Variants in PMM2 observed in about 807,000 individuals in gnomAD.
PMM2 encodes the protein phosphomannomutase 2, also known as mannose-6-phosphate isomerase.
In PMM2, 35 loss-of-function variants were observed where a neutral mutation model predicts 33.2. The observed-to-expected ratio is 1.06, with a 90% confidence interval of 0.81 to 1.40. The LOEUF (loss-of-function observed/expected upper bound fraction) is 1.40, where lower values mean the gene tolerates loss of function less well. PMM2 is among the 40% of genes most tolerant of loss of function. PMM2 has a pLI of 0.00. For synonymous variants in PMM2, 153 were observed against 114.7 expected, an observed-to-expected ratio of 1.33 and a Z score of -2.13; for missense variants, 386 against 306.0, an observed-to-expected ratio of 1.26 and a Z score of -1.95.
At chr16:8,841,024 C>T (rs1356079385) in intron 7 of PMM2, among the ~76,000 whole-genome samples, 2 of 151,958 alleles carry the variant, frequency 1.3e-5, no homozygotes, top group African/African-American at 2.4e-5. Context: ...TGGACTGTAC[C>T]TACCCTGTAG....
At chr16:8,832,962 T>C (rs1014754551) in intron 7 of PMM2, 111 of 453,138 alleles carry the variant, frequency 2.4e-4, no homozygotes, top group Non-Finnish European at 2.8e-4. Flanking sequence ...TGATGACTGG[T>C]CTCCCCAGGG....
chr16:8,797,991 C>G (rs1395135851), intron 1 of PMM2, 43 bp downstream of exon 1: 5 of 1,557,086 alleles, frequency 3.2e-6, no homozygotes, highest in Non-Finnish European at 4.3e-6. Flanking sequence ...ACGCGGAGCC[C>G]GTGCTGTTCC....
At position 8,797,941 on chromosome 16, in the gene PMM2, C is replaced by T; in HGVS notation, c.59C>T (p.Pro20Leu). The T allele has an allele frequency of 6.2e-6, 10 of 1,606,160 alleles. No homozygotes were observed. Among genetic ancestry groups the T allele is most frequent in the Admixed American group, 1.7e-5 (1 of 58,992 alleles). Residue 20 changes from proline to leucine, a missense_variant, in exon 1 of 8, where the codon CCG (proline) becomes CTG (leucine). By Grantham distance (98) the Pro-to-Leu change is moderately conservative. Coordinates refer to ENST00000268261, the MANE Select transcript of PMM2 (RefSeq NM_000303.3). ...GACGTGGATGGGACCCTCACCGCCC[C>T]GCGGCAGGTAAGTGGCGGCCGGCGG... is the stretch of plus-strand genomic sequence containing the variant. ...LFDVDGTLTA[P>L]RQKITKEMDD...
At chr16:8,827,754 A>ATATATATATG (rs2060779584) in intron 7 of PMM2, among the ~76,000 whole-genome samples, 4 of 96,138 alleles carry the variant, frequency 4.2e-5, no homozygotes, top group African/African-American at 1.6e-4. Flanking sequence ...ATATATATAT[A>ATATATATATG]TATATATGCA....
At chr16:8,799,616 C>G (rs1035843780) in intron 1 of PMM2, among the ~76,000 whole-genome samples, 2 of 151,892 alleles carry the variant, frequency 1.3e-5, no homozygotes, top group Admixed American at 1.3e-4. Context: ...GGCCCAATCT[C>G]AGTTCACTGC....
intron 7 of PMM2, among the ~76,000 whole-genome samples, chr16:8,844,677 C>T (rs997977964): frequency 2.0e-5 from 3 of 152,206 alleles, no homozygotes; most frequent in African/African-American, 7.2e-5. Flanking sequence ...AATGATTAAA[C>T]ACCAAGGGAA....
At chr16:8,824,960 TA>T (rs1226237533) in intron 7 of PMM2, among the ~76,000 whole-genome samples, 1 of 152,242 alleles carries the variant, frequency 6.6e-6, no homozygotes, top group African/African-American at 2.4e-5. Flanking sequence ...CAATATTACA[TA>T]AAAATATTCT....
intron 7 of PMM2, among the ~76,000 whole-genome samples, chr16:8,845,272 G>A (rs1276635137): frequency 6.6e-6 from 1 of 152,178 alleles, no homozygotes; most frequent in East Asian, 1.9e-4. Flanking sequence ...CTTCTTAAGG[G>A]TGGGGGAGAT....
chr16:8,808,453 G>C (rs545771547), intron 4 of PMM2: 1 of 152,066 alleles, frequency 6.6e-6, no homozygotes, highest in Non-Finnish European at 1.5e-5. Context: ...CATAATTCCA[G>C]AACAGTAGAA....
chr16:8,833,428 CAG>C (rs1308118813), intron 7 of PMM2, among the ~76,000 whole-genome samples: 4 of 152,142 alleles, frequency 2.6e-5, no homozygotes, highest in East Asian at 3.9e-4. Flanking sequence ...GTGCAAGTCA[CAG>C]GGGATGCGAT....
chr16:8,804,189 C>T (rs1324394764), intron 2 of PMM2, among the ~76,000 whole-genome samples: 1 of 151,476 alleles, frequency 6.6e-6, no homozygotes, highest in Non-Finnish European at 1.5e-5. Flanking sequence ...CAGGCGCACA[C>T]CACCATGCCT....
chr16:8,809,255 TA>T (rs2060664236), intron 4 of PMM2: 1 of 152,184 alleles, frequency 6.6e-6, no homozygotes, highest in South Asian at 2.1e-4. Flanking sequence ...TCTGTGAGAT[TA>T]AAATAGTAGA....
rs2060937043 is a variant in PMM2 at position 8,847,745 on chromosome 16, T to A, written c.661T>A (p.Phe221Ile). 1 of 1,613,814 alleles carries A rather than the reference T, an allele frequency of 6.2e-7. No individual in the cohort carries two copies. Among genetic ancestry groups the A allele is most frequent in the Non-Finnish European group, 8.5e-7 (1 of 1,179,834 alleles). The change falls in exon 8 of 8, where the codon TTC (phenylalanine) becomes ATC (isoleucine). Residue 221 changes from phenylalanine to isoleucine, a missense_variant. Coordinates refer to ENST00000268261, the MANE Select transcript of PMM2 (RefSeq NM_000303.3). ...CCAGGGTGGCAATGACCATGAGATC[T>A]TCACAGACCCCAGAACCATGGGCTA... is the stretch of plus-strand genomic sequence containing the variant. ...TMPGGNDHEI[F>I]TDPRTMGYSV...
chr16:8,806,370 C>G lies in PMM2; in HGVS notation c.310C>G (p.Leu104Val), dbSNP rs770458492. Residue 104 changes from leucine (L) to valine (V), a missense_variant, in exon 4 of 8, where the codon CTG (leucine) becomes GTG (valine). Physicochemically the swap from Leu to Val is conservative, Grantham distance 32. Coordinates refer to ENST00000268261, the MANE Select transcript of PMM2 (RefSeq NM_000303.3). ...ALIQDLINYCLSYIAKIKLPK... is the reference protein window; with the variant it reads ...ALIQDLINYCVSYIAKIKLPK... The stretch of plus-strand genomic sequence containing the variant: ...AATCCAAGATTTAATCAACTACTGT[C>G]TGAGCTACATTGCGAAAATTAAACT... The G allele has an allele frequency of 1.9e-6, 3 of 1,613,416 alleles. No individual in the cohort carries two copies. In the South Asian group the frequency reaches 3.3e-5, roughly 18 times the overall value.
rs1280633245 is a variant in PMM2 at position 8,834,870 on chromosome 16, A to G, written c.640-12854A>G. Among the ~76,000 whole-genome samples, 4 of 152,258 alleles carry G rather than the reference A, an allele frequency of 2.6e-5. No homozygotes were observed. In the Middle Eastern group the frequency reaches 0.01, roughly 388 times the overall value. ...TCAGGTGGATCAGAGAGATACAGTC[A>G]TGGGGGTCAGGTGTGGTATCAGGAA... On this transcript the variant is annotated intron_variant, in intron 7 of 7. Transcript: ENST00000268261.
Position 8,812,981 on chromosome 16 carries a change from C to A in PMM2, c.524-10C>A. 1 of 1,533,256 alleles carries A rather than the reference C, an allele frequency of 6.5e-7. No individual in the cohort carries two copies. The highest frequency in any genetic ancestry group is 1.1e-5 in the South Asian group (1 of 89,420). The allele number at this position is 1,533,256 out of a possible 1,614,324, so 95.0% of individuals were successfully genotyped here. On this transcript the variant is annotated splice_polypyrimidine_tract_variant and intron_variant, in intron 6 of 7. Transcript: ENST00000268261. The stretch of plus-strand genomic sequence containing the variant: ...CTTTTGCCTTTGTGTGCCCCGTCCC[C>A]ACCCGGCAGGAGGCCAGATCAGCTT...
chr16:8,844,167 T>C (rs2060908535), intron 7 of PMM2, among the ~76,000 whole-genome samples: 2 of 152,202 alleles, frequency 1.3e-5, no homozygotes, highest in African/African-American at 4.8e-5. Flanking sequence ...CAAGCGGCAT[T>C]GCAGAAGAAA....
chr16:8,827,777 T>TTTATTTATATA (rs1279273623), intron 7 of PMM2, among the ~76,000 whole-genome samples: 337 of 74,414 alleles, frequency 4.5e-3, no homozygotes, highest in East Asian at 9.0e-3. Context: ...CATTTATATA[T>TTTATTTATATA]ATATATTTAT....
chr16:8,823,067 C>T (rs2060747059), intron 7 of PMM2, among the ~76,000 whole-genome samples: 1 of 152,164 alleles, frequency 6.6e-6, no homozygotes, highest in African/African-American at 2.4e-5. Flanking sequence ...TAAATATACT[C>T]ATCCTTATCT....
Sources: gnomAD v4.1 joint callset for allele counts (sites outside exome capture counted in the v4.1 genomes callset) on GRCh38, gnomAD v4.1.1 for gene constraint, MANE v1.5 for transcripts, NCBI Gene and HGNC (gene_info 2026-07-23, HGNC 2026-07-21) for gene names.